Variants in TMF1 observed in about 807,000 individuals in gnomAD.
TMF1 encodes the protein TATA element modulatory factor.
A neutral mutation model predicts 126.5 loss-of-function variants in TMF1; 71 were observed. The ratio of observed to expected loss-of-function variants is 0.56; its 90% CI spans 0.46 to 0.68. The LOEUF is 0.68. Among genes scored for constraint, TMF1 ranks in the 30% least tolerant of loss-of-function variants. The pLI is 0.00. For synonymous variants in TMF1, 461 were observed against 430.5 expected (o/e 1.07, Z -0.88); for missense variants, 1,259 against 1,253.2 (o/e 1.00, Z -0.07).
At chr3:69,045,307 A>C (rs566735075) in intron 2 of TMF1, among the ~76,000 whole-genome samples, 1 of 151,802 alleles carries the variant, frequency 6.6e-6, no homozygotes, top group East Asian at 1.9e-4. Flanking sequence ...AAAATACAAA[A>C]ATTAGCTGGG....
chr3:69,020,292 T>C lies in TMF1; in HGVS notation c.*2885A>G, dbSNP rs1044795447. On this transcript the variant is annotated 3_prime_UTR_variant, in exon 17 of 17. Coordinates refer to ENST00000398559, the MANE Select transcript of TMF1 (RefSeq NM_007114.3). The stretch of plus-strand genomic sequence containing the variant: ...AATATCTTAAGTCACAACATAGATA[T>C]ATTTGGTACATTCCACATGCTAAAC... The C allele has an allele frequency of 1.3e-5, 2 of 152,184 alleles. No homozygotes were observed. Among genetic ancestry groups the C allele is most frequent in the African/African-American group, 4.8e-5 (2 of 41,458 alleles). The allele number at this position is 152,184 out of a possible 1,614,324, so 9.4% of individuals were successfully genotyped here.
intron 15 of TMF1, 122 bp from the exon 16 acceptor site, chr3:69,024,302 A>G (rs1380139252): frequency 3.4e-6 from 3 of 877,742 alleles, no homozygotes; most frequent in African/African-American, 3.5e-5. Context: ...ACATGTCAAC[A>G]TATAACCTTG....
At chr3:69,038,029 A>G (rs2091842352) in intron 8 of TMF1, among the ~76,000 whole-genome samples, 1 of 152,208 alleles carries the variant, frequency 6.6e-6, no homozygotes, top group East Asian at 1.9e-4. Context: ...TAGAGTTACC[A>G]TATGACCTAA....
At chr3:69,025,364 T>G (rs2091762394) in intron 15 of TMF1, 196 bp downstream of exon 15, 4 of 496,406 alleles carry the variant, frequency 8.1e-6, no homozygotes. Flanking sequence ...AATTAGCAGG[T>G]TCAGTTGGCT....
chr3:69,047,221 T>C (rs893145387), intron 2 of TMF1, 137 bp downstream of exon 2: 2 of 1,008,956 alleles, frequency 2.0e-6, no homozygotes, highest in Non-Finnish European at 2.8e-6. Flanking sequence ...AGGTACTTAA[T>C]GCTACACAGA....
At chr3:69,042,618 G>C (rs1408498064) in intron 5 of TMF1, 189 bp downstream of exon 5, 1 of 688,958 alleles carries the variant, frequency 1.5e-6, no homozygotes, top group African/African-American at 1.8e-5. Flanking sequence ...ACAAAAGCTA[G>C]AAACACGTAT....
At position 69,020,998 on chromosome 3, in the gene TMF1, C is replaced by T. The variant is rs578007463; in HGVS notation, c.*2179G>A. On this transcript the variant is annotated 3_prime_UTR_variant, in exon 17 of 17. Transcript: ENST00000398559. ...TCAGAGAATTTTGTAACTTAAGTTT[C>T]ATATAGAGTAGTCTCCCCTTATCCA... The T allele has an allele frequency of 3.9e-5, 6 of 152,236 alleles. No individual in the cohort carries two copies. The South Asian group carries it at 8.3e-4, about 21-fold the overall frequency. 9.4% of individuals were successfully genotyped at this position (152,236 alleles called of 1,614,324 possible). A position where few individuals can be genotyped will look rare whatever the true frequency, so the allele number is the denominator to read the frequency against.
intron 11 of TMF1, among the ~76,000 whole-genome samples, chr3:69,028,745 C>T (rs1354906339): frequency 1.3e-4 from 19 of 151,990 alleles, no homozygotes; most frequent in Non-Finnish European, 1.5e-5. Context: ...TAACCATTGC[C>T]TTAATATAAT....
chr3:69,033,558 A>T lies in TMF1; in HGVS notation c.2391T>A (p.Ser797=). Residue 797 remains serine (S), a synonymous_variant, in exon 10 of 17, where the codon TCT becomes TCA. Coordinates refer to ENST00000398559, the MANE Select transcript of TMF1 (RefSeq NM_007114.3). ...AACTAAAGCAGTTACCAAGCCTATC[A>T]GAAAGATTCTTCTCTAATTTCTCCC... is the stretch of plus-strand genomic sequence containing the variant. ...SSWEKLEKNL[S]DRLGESQTLL... is the part of the protein sequence containing the mutation. 6.2e-7 allele frequency: 1 copy of T among 1,612,608 alleles called. No homozygotes were observed. The highest frequency in any genetic ancestry group is 8.5e-7 in the Non-Finnish European group (1 of 1,179,586).
chr3:69,049,802 G>A (rs926388903), intron 1 of TMF1, among the ~76,000 whole-genome samples: 3 of 152,078 alleles, frequency 2.0e-5, no homozygotes, highest in East Asian at 1.9e-4. Context: ...TGGTATATTC[G>A]TTAAAGTATT....
At chr3:69,045,226 G>C (rs567893214) in intron 2 of TMF1, among the ~76,000 whole-genome samples, 86 of 152,306 alleles carry the variant, frequency 5.6e-4, no homozygotes, top group African/African-American at 2.0e-3. Flanking sequence ...GGGAGGCTGA[G>C]GTGGGGGGAT....
chr3:69,039,686 T>C lies in TMF1; in HGVS notation c.1692A>G (p.Lys564=), dbSNP rs1249528758. 6.2e-7 allele frequency: 1 copy of C among 1,609,816 alleles called. No homozygotes were observed. The highest frequency in any genetic ancestry group is 1.3e-5 in the African/African-American group (1 of 74,640). The stretch of plus-strand genomic sequence containing the variant: ...AATTGTGCAGCTGCTGTTTTGAAAG[T>C]TTTTCTCCTGGTGATGGTAAAGAAG... ...QIRGLMEEGE[K]LSKQQLHNSN... Residue 564 remains lysine, a synonymous_variant, in exon 6 of 17, where the codon AAA becomes AAG. Transcript: ENST00000398559.
Position 69,048,374 on chromosome 3 carries a change from T to G in TMF1, c.331A>C (p.Lys111Gln), listed in dbSNP as rs2107470660. 2 of 1,614,174 alleles carry G rather than the reference T, an allele frequency of 1.2e-6. No homozygotes were observed. The highest frequency in any genetic ancestry group is 2.2e-5 in the South Asian group (2 of 91,088). The change falls in exon 2 of 17, where the codon AAG becomes CAG. Residue 111 changes from lysine to glutamine, a missense_variant. Transcript: ENST00000398559. The part of the protein sequence containing the change: ...LSPTDVQTIQ[K>Q]SPVVSKPPAK... Reference sequence around the variant, plus strand: ...GGAGGTTTTGATACCACTGGACTCTTCTGAATGGTCTGGACATCAGTTGGC... The same window carrying G: ...GGAGGTTTTGATACCACTGGACTCTGCTGAATGGTCTGGACATCAGTTGGC...
rs774682939 is a variant in TMF1 at position 69,038,602 on chromosome 3, C to A, written c.2113G>T (p.Glu705Ter). Residue 705 changes from glutamate (E) to a stop codon, truncating the protein, a stop_gained, in exon 8 of 17, where the codon GAA becomes TAA. Coordinates refer to ENST00000398559, the MANE Select transcript of TMF1 (RefSeq NM_007114.3). LOFTEE classifies it high-confidence loss of function. The stretch of plus-strand genomic sequence containing the variant: ...GTTTCTTGCTGCTGACGGGCTTCTT[C>A]TTGGGCCTTCTCTAATGCTGCAGAA... Reference protein sequence around the residue: ...ELSAALEKAQEEARQQQETLA... With the variant: ...ELSAALEKAQ 3 of 1,614,108 alleles carry A rather than the reference C, an allele frequency of 1.9e-6. No homozygotes were observed. The South Asian group carries it at 3.3e-5, about 18-fold the overall frequency.
intron 5 of TMF1, among the ~76,000 whole-genome samples, chr3:69,042,199 G>A (rs769780303): frequency 7.2e-5 from 11 of 151,736 alleles, no homozygotes; most frequent in Admixed American, 2.0e-4. Context: ...ACCACCACCC[G>A]GCTAATTTTT....
At chr3:69,038,155 A>G (rs571721331) in intron 8 of TMF1, among the ~76,000 whole-genome samples, 2 of 152,352 alleles carry the variant, frequency 1.3e-5, no homozygotes, top group South Asian at 4.1e-4. Flanking sequence ...ATGCCCATCA[A>G]CTGATGATTT....
In TMF1 at chr3:69,038,558, G is replaced by T; in HGVS notation, c.2151+6C>A. The T allele has an allele frequency of 6.2e-7, 1 of 1,610,714 alleles. No homozygotes were observed. On this transcript the variant is annotated splice_donor_region_variant and intron_variant, in intron 8 of 16. Transcript: ENST00000398559. Reference sequence around the variant, plus strand: ...AAACTACTCTAATTCATCATCCATTGCTTACTTGAATGGCTAATGTTTCTT... The same window carrying T: ...AAACTACTCTAATTCATCATCCATTTCTTACTTGAATGGCTAATGTTTCTT...
intron 8 of TMF1, 124 bp downstream of exon 8, chr3:69,038,440 C>T (rs1042734007): frequency 9.3e-6 from 10 of 1,070,190 alleles, no homozygotes; most frequent in Non-Finnish European, 1.3e-5. Context: ...TTAGCAGAAT[C>T]CAGTACTCTG....
chr3:69,032,280 G>GAAT (rs1280176794), intron 10 of TMF1, among the ~76,000 whole-genome samples: 4 of 152,072 alleles, frequency 2.6e-5, no homozygotes, highest in Non-Finnish European at 5.9e-5. Context: ...GATTCACAAG[G>GAAT]AATAGCACAG....
Sources: allele counts gnomAD v4.1 joint callset (sites outside exome capture counted in the v4.1 genomes callset), GRCh38; gene constraint gnomAD v4.1.1; transcripts MANE v1.5; gene names NCBI Gene and HGNC (gene_info 2026-07-23, HGNC 2026-07-21).